ATP2C1: variants seen among roughly 807,000 people sequenced by gnomAD.
ATP2C1 encodes the protein ATPase secretory pathway Ca2+ transporting 1.
Under a neutral mutation model 120.5 loss-of-function variants are expected in ATP2C1, and 31 were observed. That is an observed-to-expected ratio of 0.26 (90% CI 0.19 to 0.35). The LOEUF (loss-of-function observed/expected upper bound fraction) is 0.35. Ranked by LOEUF, ATP2C1 falls within the 10% of genes least tolerant of loss-of-function variation. The pLI, the probability that ATP2C1 is intolerant of heterozygous loss-of-function variation, is 1.00. For synonymous variants in ATP2C1, 351 were observed against 358.7 expected (o/e 0.98, Z 0.24); for missense variants, 731 against 1,107.5 (o/e 0.66, Z 4.83).
chr3:130,901,869 G>T (rs1459434632), intron 2 of ATP2C1, among the ~76,000 whole-genome samples: 1 of 151,964 alleles, frequency 6.6e-6, no homozygotes, highest in Non-Finnish European at 1.5e-5. Context: ...TTGCCCCCGG[G>T]GGACATTTGG....
At chr3:130,938,447 A>T (rs924881040) in intron 6 of ATP2C1, among the ~76,000 whole-genome samples, 2 of 152,314 alleles carry the variant, frequency 1.3e-5, no homozygotes, top group African/African-American at 4.8e-5. Context: ...TACATCTACG[A>T]TTTATTACGT....
chr3:130,874,875 A>T (rs1186178499), intron 1 of ATP2C1, among the ~76,000 whole-genome samples: 1 of 152,222 alleles, frequency 6.6e-6, no homozygotes, highest in African/African-American at 2.4e-5. Context: ...GGAGTGTGAG[A>T]ATTTGCATTT....
At chr3:130,997,851 A>G (rs2062702203) in intron 25 of ATP2C1, 98 bp downstream of exon 25, 2 of 1,296,898 alleles carry the variant, frequency 1.5e-6, no homozygotes, top group Non-Finnish European at 2.2e-6. Flanking sequence ...CTGGGAAGTT[A>G]AGGGAGCTCT....
In ATP2C1 at chr3:130,903,700, CCCTTTCCTTT is replaced by C. The variant is rs145176420; in HGVS notation, c.6+8953_6+8962del. On this transcript the variant is annotated intron_variant, in intron 2 of 27. Transcript: ENST00000510168. ...TTTCCCCTTTCCCATTTCCCCTTTCCCCTTTCCTTTCCTTTCCTTTCCTTTCCTTTCCTTT... is the reference window on the plus strand; with the variant it reads ...TTTCCCCTTTCCCATTTCCCCTTTCCCCTTTCCTTTCCTTTCCTTTCCTTT... Among the ~76,000 whole-genome samples the C allele has an allele frequency of 6.8e-4, 94 of 138,602 alleles. 3 individuals are homozygous for C. Among genetic ancestry groups the C allele is most frequent in the South Asian group, 4.5e-3 (19 of 4,186 alleles). 90.9% of individuals were successfully genotyped at this position (138,602 alleles called of 152,430 possible).
chr3:130,939,701 A>G (rs560665662), intron 6 of ATP2C1, among the ~76,000 whole-genome samples: 7 of 152,244 alleles, frequency 4.6e-5, no homozygotes, highest in African/African-American at 1.4e-4. Flanking sequence ...TGATTTTTAC[A>G]TTTGTAGATT....
downstream of ATP2C1, among the ~76,000 whole-genome samples, chr3:131,007,699 A>G (rs1383807679): frequency 6.6e-6 from 1 of 152,234 alleles, no homozygotes; most frequent in African/African-American, 2.4e-5. Context: ...TCTGATAAGT[A>G]TACCAAAGTG....
At chr3:130,889,868 ACTC>A (rs1389378559), upstream of ATP2C1, among the ~76,000 whole-genome samples, 1 of 150,700 alleles carries the variant, frequency 6.6e-6, no homozygotes, top group African/African-American at 2.4e-5. Flanking sequence ...CTGGTCTTGA[ACTC>A]CTGGGCTCAC....
Position 131,002,684 on chromosome 3 carries a change from C to G in ATP2C1, c.*1334C>G, listed in dbSNP as rs778714400. 1.0e-6 allele frequency: 1 copy of G among 985,330 alleles called. No homozygotes were observed. Among genetic ancestry groups the G allele is most frequent in the Non-Finnish European group, 1.2e-6 (1 of 829,884 alleles). The allele number at this position is 985,330 out of a possible 1,614,324, so 61.0% of individuals were successfully genotyped here. On this transcript the variant is annotated 3_prime_UTR_variant, in exon 28 of 28. Transcript: ENST00000510168. Reference sequence around the variant, plus strand: ...TGGTCCCAATTCTAACAGGTTTAATCCTTCTTGAAGCCAATAAGTTTTATC... The same window carrying G: ...TGGTCCCAATTCTAACAGGTTTAATGCTTCTTGAAGCCAATAAGTTTTATC...
chr3:130,938,515 A>G (rs2059764372), intron 6 of ATP2C1, among the ~76,000 whole-genome samples: 2 of 152,224 alleles, frequency 1.3e-5, no homozygotes, highest in Admixed American at 6.5e-5. Flanking sequence ...AGTTGTTATT[A>G]GTTCTGTAGT....
chr3:130,953,955 G>T lies in ATP2C1; in HGVS notation c.666G>T (p.Leu222=). Residue 222 remains leucine (L), a synonymous_variant, in exon 9 of 28, where the codon CTG becomes CTT. Coordinates refer to ENST00000510168, the MANE Select transcript of ATP2C1 (RefSeq NM_001378687.1). The part of the protein sequence containing the change: ...SRSNIAFMGT[L]VRCGKAKGVV... Reference sequence around the variant, plus strand: ...GTAACATTGCCTTTATGGGAACACTGGTCAGATGTGGCAAAGCAAAGGTAA... The same window carrying T: ...GTAACATTGCCTTTATGGGAACACTTGTCAGATGTGGCAAAGCAAAGGTAA... 4 of 1,613,972 alleles carry T rather than the reference G, an allele frequency of 2.5e-6. No individual in the cohort carries two copies. Among genetic ancestry groups the T allele is most frequent in the Non-Finnish European group, 3.4e-6 (4 of 1,179,936 alleles).
intron 8 of ATP2C1, among the ~76,000 whole-genome samples, chr3:130,944,759 CAGA>C (rs2060067109): frequency 6.6e-6 from 1 of 152,114 alleles, no homozygotes; most frequent in African/African-American, 2.4e-5. Context: ...GTCAGGTTTT[CAGA>C]AGCCAGTGGT....
intron 2 of ATP2C1, among the ~76,000 whole-genome samples, chr3:130,907,464 G>A (rs2058187272): frequency 6.6e-6 from 1 of 151,914 alleles, no homozygotes; most frequent in African/African-American, 2.4e-5. Context: ...TGACATAAGG[G>A]CCCACCTTCA....
intron 2 of ATP2C1, among the ~76,000 whole-genome samples, chr3:130,902,547 C>CATTTT (rs150032000): frequency 0.026 from 3,944 of 151,622 alleles, 180 homozygotes; most frequent in African/African-American, 0.09. Context: ...CCTGTAAATA[C>CATTTT]ATTTTATGTA....
chr3:130,983,290 T>C (rs567087384), intron 20 of ATP2C1, among the ~76,000 whole-genome samples: 2 of 152,312 alleles, frequency 1.3e-5, no homozygotes, highest in African/African-American at 4.8e-5. Context: ...GCAGCACCGC[T>C]TTAAAAATTC....
upstream of ATP2C1, among the ~76,000 whole-genome samples, chr3:130,893,560 C>A (rs1576609281): frequency 6.6e-6 from 1 of 152,256 alleles, no homozygotes; most frequent in African/African-American, 2.4e-5. Context: ...AGCATGGACA[C>A]CTCGCCCCTT....
At chr3:130,942,976 T>C (rs2059987429) in intron 8 of ATP2C1, among the ~76,000 whole-genome samples, 1 of 152,200 alleles carries the variant, frequency 6.6e-6, no homozygotes, top group Non-Finnish European at 1.5e-5. Context: ...GCAGAACTTC[T>C]CATTGGGATA....
intron 2 of ATP2C1, among the ~76,000 whole-genome samples, chr3:130,901,196 C>T (rs2057803519): frequency 6.6e-6 from 1 of 152,072 alleles, no homozygotes; most frequent in South Asian, 2.1e-4. Context: ...TTACTGTTTA[C>T]TTAAGAGTTA....
At chr3:130,884,866 C>T (rs1392832336) in intron 1 of ATP2C1, among the ~76,000 whole-genome samples, 1 of 150,958 alleles carries the variant, frequency 6.6e-6, no homozygotes, top group African/African-American at 2.4e-5. Flanking sequence ...CTTTTTCCAT[C>T]CTTTTATTTT....
At chr3:130,962,644 A>G (rs2060869896) in intron 12 of ATP2C1, among the ~76,000 whole-genome samples, 1 of 151,014 alleles carries the variant, frequency 6.6e-6, no homozygotes, top group African/African-American at 2.4e-5. Context: ...TGACTTAAAT[A>G]TAAAAGATTG....
Sources: allele counts gnomAD v4.1 joint callset (sites outside exome capture counted in the v4.1 genomes callset), GRCh38; gene constraint gnomAD v4.1.1; transcripts MANE v1.5; gene names NCBI Gene and HGNC (gene_info 2026-07-23, HGNC 2026-07-21).